The following LAMC1 variants were observed in gnomAD, a reference collection of about 807,000 sequenced individuals.
LAMC1 encodes the protein laminin subunit gamma 1.
Under a neutral mutation model 173.6 loss-of-function variants are expected in LAMC1, and 38 were observed. The observed-to-expected ratio is 0.22, with a 90% confidence interval of 0.17 to 0.29. The LOEUF (loss-of-function observed/expected upper bound fraction) is 0.29. Ranked by LOEUF, LAMC1 falls within the 10% of genes least tolerant of loss-of-function variation. LAMC1 has a pLI of 1.00. For missense variants in LAMC1, 1,824 were observed against 2,051.8 expected (o/e 0.89, Z 2.14); for synonymous variants, 746 against 749.1 (o/e 1.00, Z 0.07).
chr1:183,035,688 C>G (rs796795148), intron 1 of LAMC1, among the ~76,000 whole-genome samples: 5 of 152,214 alleles, frequency 3.3e-5, no homozygotes, highest in African/African-American at 1.2e-4. Flanking sequence ...ATTTATTATG[C>G]CAAGCGGAAA....
At chr1:183,034,907 C>T (rs550729056) in intron 1 of LAMC1, among the ~76,000 whole-genome samples, 2 of 152,204 alleles carry the variant, frequency 1.3e-5, no homozygotes, top group East Asian at 1.9e-4. Context: ...TTGTTAGCCC[C>T]GGGGAAGAAT....
intron 1 of LAMC1, among the ~76,000 whole-genome samples, chr1:183,034,225 T>C (rs1008899213): frequency 3.3e-5 from 5 of 152,206 alleles, no homozygotes; most frequent in Non-Finnish European, 7.3e-5. Context: ...TTATTCGTAA[T>C]GTATTTGAGA....
At chr1:183,037,569 A>T (rs1342258006) in intron 1 of LAMC1, among the ~76,000 whole-genome samples, 1 of 152,194 alleles carries the variant, frequency 6.6e-6, no homozygotes, top group Non-Finnish European at 1.5e-5. Flanking sequence ...TATTAACATT[A>T]TTCAGGTTCA....
chr1:183,099,107 G>T (rs538540865), intron 1 of LAMC1, among the ~76,000 whole-genome samples: 1 of 150,442 alleles, frequency 6.6e-6, no homozygotes, highest in Non-Finnish European at 1.5e-5. Context: ...GTTTTTTTTT[G>T]AAAGGGAGTC....
chr1:183,068,316 ATT>A (rs1214248853), intron 1 of LAMC1, among the ~76,000 whole-genome samples: 2 of 152,126 alleles, frequency 1.3e-5, no homozygotes, highest in Non-Finnish European at 2.9e-5. Context: ...TAAACTAATT[ATT>A]TTCAAGTGCA....
chr1:183,098,958 A>T (rs1427682804), intron 1 of LAMC1, among the ~76,000 whole-genome samples: 1 of 151,966 alleles, frequency 6.6e-6, no homozygotes, highest in East Asian at 1.9e-4. Context: ...AAAAGAAAAG[A>T]AAAGTCTTTC....
chr1:183,142,821 T>A lies in LAMC1; in HGVS notation c.*31T>A, dbSNP rs1246343298. 2 of 1,576,786 alleles carry A rather than the reference T, an allele frequency of 1.3e-6. No individual in the cohort carries two copies. Among genetic ancestry groups the A allele is most frequent in the African/African-American group, 2.7e-5 (2 of 73,936 alleles). ...TTAGGGCTGGAAGGCAGCATCCCTC[T>A]GACAGGGGGGCAGTTGTGAGGCCAC... On this transcript the variant is annotated 3_prime_UTR_variant, in exon 28 of 28. Transcript: ENST00000258341.
rs376409219 is a variant in LAMC1 at position 183,133,569 on chromosome 1, C to G, written c.3849+19C>G. ...ACTGGAGGTATGGGGGCAGCCTGTA[C>G]GCACAGCCCCACCCCGTCTCTCCCC... is the stretch of plus-strand genomic sequence containing the variant. On this transcript the variant is annotated intron_variant, in intron 22 of 27. Coordinates refer to ENST00000258341, the MANE Select transcript of LAMC1 (RefSeq NM_002293.4). 2 of 1,597,108 alleles carry G rather than the reference C, an allele frequency of 1.3e-6. No homozygotes were observed. The highest frequency in any genetic ancestry group is 2.3e-5 in the East Asian group (1 of 44,442).
intron 1 of LAMC1, among the ~76,000 whole-genome samples, chr1:183,070,518 C>T (rs556285754): frequency 1.3e-5 from 2 of 151,980 alleles, no homozygotes; most frequent in South Asian, 2.1e-4. Context: ...TCATCTGGGC[C>T]GTGATTTGAA....
intron 1 of LAMC1, among the ~76,000 whole-genome samples, chr1:183,038,941 G>GA (rs950331582): frequency 6.7e-6 from 1 of 149,910 alleles, no homozygotes; most frequent in African/African-American, 2.4e-5. Flanking sequence ...AAAAAAAAAA[G>GA]AAAAAAAGTT....
intron 22 of LAMC1, 75 bp downstream of exon 22, chr1:183,133,625 C>T (rs1397951134): frequency 7.3e-6 from 10 of 1,362,514 alleles, no homozygotes; most frequent in East Asian, 2.4e-5. Flanking sequence ...CTGCTCTGCA[C>T]CTCCCTCTGT....
At chr1:183,123,577 T>C (rs1656539987) in intron 13 of LAMC1, among the ~76,000 whole-genome samples, 1 of 152,132 alleles carries the variant, frequency 6.6e-6, no homozygotes, top group Non-Finnish European at 1.5e-5. Context: ...TGTCTTTCCA[T>C]TGCTATCCCA....
intron 1 of LAMC1, among the ~76,000 whole-genome samples, chr1:183,100,127 C>T (rs142824715): frequency 6.6e-6 from 1 of 152,280 alleles, no homozygotes; most frequent in East Asian, 1.9e-4. Flanking sequence ...TGTAGTACAT[C>T]AGTTACTAAG....
chr1:183,114,459 T>C lies in LAMC1; in HGVS notation c.1022-72T>C, dbSNP rs1272897721. The C allele has an allele frequency of 2.8e-6, 4 of 1,437,652 alleles. No individual in the cohort carries two copies. In the Admixed American group the frequency reaches 6.9e-5, roughly 25 times the overall value. The allele number at this position is 1,437,652 out of a possible 1,614,324, so 89.1% of individuals were successfully genotyped here. A position where few individuals can be genotyped will look rare whatever the true frequency, so the allele number is the denominator to read the frequency against. ...TCTCAGAGATGTGGGAAATTATGTTTGGTTTTAAGTCTTAAAATGCTCTTC... is the reference window on the plus strand; with the variant it reads ...TCTCAGAGATGTGGGAAATTATGTTCGGTTTTAAGTCTTAAAATGCTCTTC... On this transcript the variant is annotated intron_variant, in intron 4 of 27. Coordinates refer to ENST00000258341, the MANE Select transcript of LAMC1 (RefSeq NM_002293.4).
In LAMC1 at chr1:183,116,669, G is replaced by C; in HGVS notation, c.1421G>C (p.Cys474Ser). 1 of 1,612,060 alleles carries C rather than the reference G, an allele frequency of 6.2e-7. No homozygotes were observed. The highest frequency in any genetic ancestry group is 8.5e-7 in the Non-Finnish European group (1 of 1,178,178). The change falls in exon 7 of 28, where the codon TGT becomes TCT. Residue 474 changes from cysteine (C) to serine (S), a missense_variant. By Grantham distance (112) the Cys-to-Ser change is moderately radical (BLOSUM62 -1). Coordinates refer to ENST00000258341, the MANE Select transcript of LAMC1 (RefSeq NM_002293.4). ...VCKDNVEGFN[C>S]ERCKPGFFNL... is the part of the protein sequence containing the mutation. ...AAAGACAATGTCGAAGGCTTCAATT[G>C]TGAAAGGTAGTGCATTCTTTCTCTA...
chr1:183,102,425 A>C (rs1198093495), intron 1 of LAMC1, among the ~76,000 whole-genome samples: 1 of 152,226 alleles, frequency 6.6e-6, no homozygotes, highest in Admixed American at 6.5e-5. Flanking sequence ...TTGTTGACCA[A>C]ACTGGGATCT....
At chr1:183,080,281 A>G (rs1297893851) in intron 1 of LAMC1, among the ~76,000 whole-genome samples, 1 of 152,174 alleles carries the variant, frequency 6.6e-6, no homozygotes, top group Non-Finnish European at 1.5e-5. Context: ...AAATTGTACT[A>G]GCTATTTTTT....
intron 1 of LAMC1, among the ~76,000 whole-genome samples, chr1:183,025,395 C>T (rs1180697132): frequency 1.3e-5 from 2 of 152,138 alleles, no homozygotes; most frequent in African/African-American, 4.8e-5. Context: ...GTTAGAAAAG[C>T]AGAATTATTT....
intron 4 of LAMC1, 23 bp from the exon 5 acceptor site, chr1:183,114,508 A>C: frequency 6.2e-7 from 1 of 1,613,094 alleles, no homozygotes; most frequent in Non-Finnish European, 8.5e-7. Context: ...GATCTGATGT[A>C]ACTCGTGTGT....
Sources: allele counts gnomAD v4.1 joint callset (sites outside exome capture counted in the v4.1 genomes callset), GRCh38; gene constraint gnomAD v4.1.1; transcripts MANE v1.5; gene names NCBI Gene and HGNC (gene_info 2026-07-23, HGNC 2026-07-21).